The following AXIN1 variants were observed in gnomAD, a reference collection of about 807,000 sequenced individuals.
AXIN1 encodes the protein axin-1.
In AXIN1, 30 loss-of-function variants were observed where a neutral mutation model predicts 76.4. The observed-to-expected ratio is 0.39, with a 90% CI of 0.29 to 0.53. AXIN1 has a LOEUF of 0.53. Ranked by LOEUF, AXIN1 falls within the 20% of genes least tolerant of loss-of-function variation. The probability of loss-of-function intolerance (pLI) is 0.66; values close to 1 mark genes in which losing one functional copy is unlikely to be tolerated. For missense variants in AXIN1, 1,140 were observed against 1,198.8 expected, an observed-to-expected ratio of 0.95 and a Z score of 0.72; for synonymous variants, 545 against 501.4, an observed-to-expected ratio of 1.09 and a Z score of -1.16.
At chr16:303,889 C>G (rs997923030) in intron 5 of AXIN1, among the ~76,000 whole-genome samples, 2 of 152,210 alleles carry the variant, frequency 1.3e-5, no homozygotes, top group Non-Finnish European at 2.9e-5. Flanking sequence ...TCTCAGGCAT[C>G]GCAGCCCCCG....
chr16:349,046 C>T (rs934628402), intron 1 of AXIN1, among the ~76,000 whole-genome samples: 8 of 150,772 alleles, frequency 5.3e-5, no homozygotes, highest in Non-Finnish European at 1.5e-5. Context: ...TGCAGTGAGC[C>T]GACACCGCGC....
At chr16:319,807 G>A (rs1018948549) in intron 2 of AXIN1, among the ~76,000 whole-genome samples, 6 of 152,164 alleles carry the variant, frequency 3.9e-5, no homozygotes, top group African/African-American at 1.4e-4. Context: ...TTTTAAAAAG[G>A]TAGCATAACA....
intron 2 of AXIN1, among the ~76,000 whole-genome samples, chr16:325,307 CG>C (rs34404427): frequency 0.34 from 52,126 of 152,010 alleles, 9,898 homozygotes; most frequent in African/African-American, 0.5. Flanking sequence ...TAGTGCCCCC[CG>C]CTGCTCCGGC....
At chr16:297,250 C>T (rs902638220) in intron 6 of AXIN1, 24 bp from the exon 7 acceptor site, 17 of 1,602,128 alleles carry the variant, frequency 1.1e-5, no homozygotes, top group African/African-American at 1.3e-5. Context: ...AGCTGCGAGT[C>T]GCCCTGGCCT....
At chr16:301,634 A>AT (rs920468356) in intron 5 of AXIN1, among the ~76,000 whole-genome samples, 2 of 152,088 alleles carry the variant, frequency 1.3e-5, no homozygotes, top group African/African-American at 2.4e-5. Context: ...CTACAAAAAT[A>AT]TTTTTTTTAA....
chr16:322,869 A>C (rs1422090626), intron 2 of AXIN1, among the ~76,000 whole-genome samples: 3 of 152,206 alleles, frequency 2.0e-5, no homozygotes, highest in Non-Finnish European at 4.4e-5. Context: ...GCCTGGGGGA[A>C]GAGGTGAGCC....
At chr16:297,337 G>C (rs2052739766) in intron 6 of AXIN1, 111 bp from the exon 7 acceptor site, 2 of 1,404,862 alleles carry the variant, frequency 1.4e-6, no homozygotes, top group Admixed American at 3.5e-5. Flanking sequence ...TGGTGCAGCC[G>C]CCGCCCGCTG....
intron 2 of AXIN1, among the ~76,000 whole-genome samples, chr16:320,305 G>A (rs2053410412): frequency 6.6e-6 from 1 of 152,130 alleles, no homozygotes; most frequent in Admixed American, 6.6e-5. Context: ...CTCGGTGTCC[G>A]AATGTGCTGG....
At chr16:327,809 G>C (rs1005631190) in intron 2 of AXIN1, among the ~76,000 whole-genome samples, 3 of 152,228 alleles carry the variant, frequency 2.0e-5, no homozygotes, top group Admixed American at 6.5e-5. Context: ...CAGTGCTTGG[G>C]TGAGGCCAGG....
At chr16:313,370 G>A (rs189434387) in intron 3 of AXIN1, among the ~76,000 whole-genome samples, 1 of 152,288 alleles carries the variant, frequency 6.6e-6, no homozygotes. Context: ...TAAAAAGATG[G>A]GCAGAATCAC....
At position 293,562 on chromosome 16, in the gene AXIN1, T is replaced by G. The variant is rs771010096; in HGVS notation, c.2112A>C (p.Leu704=). 1 of 1,611,826 alleles carries G rather than the reference T, an allele frequency of 6.2e-7. No individual in the cohort carries two copies. Among genetic ancestry groups the G allele is most frequent in the African/African-American group, 1.3e-5 (1 of 74,924 alleles). The part of the protein sequence containing the change: ...TMPPHPAPNP[L]TQLEEARRRL... The stretch of plus-strand genomic sequence containing the variant: ...GTCGGCGCGCCTCCTCCAGCTGGGT[T>G]AGGGGGTTGGGAGCTGGGTGGGGTG... Residue 704 remains leucine, a synonymous_variant, in exon 8 of 11, where the codon CTA becomes CTC. Transcript: ENST00000262320. The surrounding 1 kb of genome is among the most constrained non-coding windows in gnomAD (Gnocchi z 4.6).
intron 2 of AXIN1, among the ~76,000 whole-genome samples, chr16:320,382 G>A (rs1319191044): frequency 1.3e-5 from 2 of 152,056 alleles, no homozygotes; most frequent in Non-Finnish European, 2.9e-5. Flanking sequence ...ACTGCAAAGG[G>A]GTAAATGCTT....
chr16:325,140 C>T lies in AXIN1; in HGVS notation c.879-10457G>A, dbSNP rs536801178. Among the ~76,000 whole-genome samples, 64 of 152,294 alleles carry T rather than the reference C, an allele frequency of 4.2e-4. 1 individual carries two copies. The highest frequency in any genetic ancestry group is 1.4e-3 in the African/African-American group (58 of 41,552). On this transcript the variant is annotated intron_variant, in intron 2 of 10. Coordinates refer to ENST00000262320, the MANE Select transcript of AXIN1 (RefSeq NM_003502.4). ...CCCGCACCCCAGGAAACCATCGCCT[C>T]AGCCCCGCGGGCGGCCCCGCACCCC...
rs531655376 is a variant in AXIN1 at position 306,925 on chromosome 16, G to A, written c.1117-2484C>T. Among the ~76,000 whole-genome samples, 9 of 152,320 alleles carry A rather than the reference G, an allele frequency of 5.9e-5. No individual in the cohort carries two copies. The East Asian group carries it at 1.2e-3, about 20-fold the overall frequency. ...TGTCCGGGTGTGTGGACGGCAGGGC[G>A]TCCACACAGATGGCAAGGAACTAAC... On this transcript the variant is annotated intron_variant, in intron 4 of 10. Transcript: ENST00000262320.
chr16:307,158 C>A (rs2053049576), intron 4 of AXIN1, among the ~76,000 whole-genome samples: 1 of 152,196 alleles, frequency 6.6e-6, no homozygotes, highest in African/African-American at 2.4e-5. Context: ...GAACAGTCAG[C>A]ACCACAGAGA....
Position 289,616 on chromosome 16 carries a change from A to G in AXIN1, c.2295-9T>C, listed in dbSNP as rs2141469299. 1.2e-6 allele frequency: 2 copies of G among 1,612,580 alleles called. No homozygotes were observed. The highest frequency in any genetic ancestry group is 1.7e-6 in the Non-Finnish European group (2 of 1,179,860). On this transcript the variant is annotated splice_polypyrimidine_tract_variant and intron_variant, in intron 9 of 10. Transcript: ENST00000262320. Reference sequence around the variant, plus strand: ...TCCTCTGCGATCTTGTCCTGGGGAAAGAGATGCAGCGGTGGTACCTGGTTT... The same window carrying G: ...TCCTCTGCGATCTTGTCCTGGGGAAGGAGATGCAGCGGTGGTACCTGGTTT...
chr16:323,816 A>T (rs972441836), intron 2 of AXIN1, among the ~76,000 whole-genome samples: 1 of 151,744 alleles, frequency 6.6e-6, no homozygotes, highest in Non-Finnish European at 1.5e-5. Context: ...ACAAAACAAA[A>T]CACTGAGGGG....
rs746070749 is a variant in AXIN1 at position 293,712 on chromosome 16, C to T, written c.1962G>A (p.Ser654=). 1.5e-5 allele frequency: 25 copies of T among 1,613,300 alleles called. No individual in the cohort carries two copies. The highest frequency in any genetic ancestry group is 1.6e-4 in the Middle Eastern group (1 of 6,070). Residue 654 remains serine (S), a synonymous_variant, in exon 8 of 11, where the codon TCG becomes TCA. Transcript: ENST00000262320. This position sits in a 1 kb window ranked among gnomAD's most constrained non-coding sequence, Gnocchi z 4.6. ...CATGGGGCTGTGGCTTCCTCGTCCCCGAAGACCTTGGGGAACAAGAGAACA... is the reference window on the plus strand; with the variant it reads ...CATGGGGCTGTGGCTTCCTCGTCCCTGAAGACCTTGGGGAACAAGAGAACA... ...SRHRRTGHGS[S]GTRKPQPHEN...
chr16:291,260 C>G lies in AXIN1; in HGVS notation c.2224G>C (p.Val742Leu), dbSNP rs374579262. 6.3e-7 allele frequency: 1 copy of G among 1,583,866 alleles called. No individual in the cohort carries two copies. Among genetic ancestry groups the G allele is most frequent in the Non-Finnish European group, 8.6e-7 (1 of 1,165,848 alleles). Residue 742 changes from valine (V) to leucine (L), a missense_variant, in exon 9 of 11, where the codon GTC (valine) becomes CTC (leucine). Physicochemically the swap from Val to Leu is conservative, Grantham distance 32. This residue lies in a region of AXIN1 where 429 missense variants were observed against 405.8 expected (regional missense o/e 1.06). Coordinates refer to ENST00000262320, the MANE Select transcript of AXIN1 (RefSeq NM_003502.4). ...AGCACCGGCGCGCACGCTGGCCTGA[C>G]GCAGGCGCGTCCCCGCCGCATAACC... ...QEVMRRGRAC[V>L]RPACAPVLHV...
Sources: gnomAD v4.1 joint callset for allele counts (sites outside exome capture counted in the v4.1 genomes callset) on GRCh38, gnomAD v4.1.1 for gene constraint, gnomAD v4.1.1 regional missense constraint, Gnocchi (gnomAD v3.1) non-coding constraint, MANE v1.5 for transcripts, NCBI Gene and HGNC (gene_info 2026-07-23, HGNC 2026-07-21) for gene names.